The following UGGT1 variants were observed in gnomAD, a reference collection of about 807,000 sequenced individuals.
UGGT1 encodes the protein UDP-glucose:glycoprotein glucosyltransferase 1.
In UGGT1, 107 loss-of-function variants were observed where a neutral mutation model predicts 203.9. The ratio of observed to expected loss-of-function variants is 0.52; its 90% CI spans 0.45 to 0.62. The LOEUF is 0.62. UGGT1 is among the 20% of genes least tolerant of loss of function. The probability of loss-of-function intolerance (pLI) is 0.00; values close to 1 mark genes in which losing one functional copy is unlikely to be tolerated. For synonymous variants in UGGT1, 628 were observed against 653.5 expected (o/e 0.96, Z 0.59); for missense variants, 1,673 against 1,867.2 (o/e 0.90, Z 1.92).
chr2:128,166,373 T>C (rs748167589), intron 26 of UGGT1, among the ~76,000 whole-genome samples: 34 of 152,234 alleles, frequency 2.2e-4, no homozygotes, highest in Admixed American at 1.3e-4. Flanking sequence ...TGATGTAACA[T>C]GTCTGACGTT....
Position 128,189,780 on chromosome 2 carries a change from A to C in UGGT1, c.*38A>C, listed in dbSNP as rs1327451100. On this transcript the variant is annotated 3_prime_UTR_variant, in exon 41 of 41. Transcript: ENST00000259253. Reference sequence around the variant, plus strand: ...GACAGGAAATCACCCCATTTGAAAAACAGTTTTTATAATAAATGCTAGTTT... The same window carrying C: ...GACAGGAAATCACCCCATTTGAAAACCAGTTTTTATAATAAATGCTAGTTT... 1 of 1,609,654 alleles carries C rather than the reference A, an allele frequency of 6.2e-7. No homozygotes were observed. Among genetic ancestry groups the C allele is most frequent in the Non-Finnish European group, 8.5e-7 (1 of 1,177,240 alleles).
chr2:128,180,838 GT>G (rs1691657900), intron 35 of UGGT1, 51 bp from the exon 36 acceptor site: 9 of 1,561,342 alleles, frequency 5.8e-6, no homozygotes, highest in Non-Finnish European at 7.0e-6. Context: ...TATGAAAGCA[GT>G]TTTCTTAATC....
chr2:128,127,511 A>G, intron 12 of UGGT1, 59 bp downstream of exon 12: 1 of 1,262,300 alleles, frequency 7.9e-7, no homozygotes, highest in African/African-American at 1.5e-5. Flanking sequence ...ACCTTGTAAC[A>G]TGTTCATATT....
chr2:128,182,571 C>T (rs997251027), intron 37 of UGGT1, among the ~76,000 whole-genome samples: 15 of 151,872 alleles, frequency 9.9e-5, no homozygotes, highest in African/African-American at 3.1e-4. Context: ...TGGTGGTGGG[C>T]GCCTGTAATC....
At chr2:128,134,787 T>C in intron 14 of UGGT1, 89 bp from the exon 15 acceptor site, 1 of 1,185,686 alleles carries the variant, frequency 8.4e-7, no homozygotes, top group Non-Finnish European at 1.2e-6. Flanking sequence ...AAAGGTTGGC[T>C]TCATGTACAG....
chr2:128,187,341 T>A, intron 39 of UGGT1, 108 bp from the exon 40 acceptor site: 2 of 1,243,590 alleles, frequency 1.6e-6, no homozygotes, highest in Non-Finnish European at 2.2e-6. Context: ...TTTGGTTCCT[T>A]ACTATTGTTT....
chr2:128,103,687 A>G (rs899750611), intron 2 of UGGT1, among the ~76,000 whole-genome samples: 1 of 151,810 alleles, frequency 6.6e-6, no homozygotes, highest in African/African-American at 2.4e-5. Context: ...TTATTATTCC[A>G]GGTTTCTTAA....
intron 13 of UGGT1, among the ~76,000 whole-genome samples, chr2:128,132,373 C>A (rs1688920936): frequency 6.6e-6 from 1 of 152,018 alleles, no homozygotes; most frequent in African/African-American, 2.4e-5. Flanking sequence ...CATGGCGAAA[C>A]CCCACCTCTA....
At position 128,112,328 on chromosome 2, in the gene UGGT1, G is replaced by A. The variant is rs187289672; in HGVS notation, c.522-756G>A. On this transcript the variant is annotated intron_variant, in intron 5 of 40. Transcript: ENST00000259253. ...CCCAGCTACTGAGGAGGCTGAGGCA[G>A]GAGAATCACTTGAACCCAGGAGGGA... Among the ~76,000 whole-genome samples the A allele has an allele frequency of 2.8e-3, 418 of 148,488 alleles. 4 individuals are homozygous for A. The highest frequency in any genetic ancestry group is 9.9e-3 in the African/African-American group (400 of 40,510).
chr2:128,165,611 C>T (rs1216273792), intron 26 of UGGT1, among the ~76,000 whole-genome samples: 3 of 152,096 alleles, frequency 2.0e-5, no homozygotes, highest in African/African-American at 7.2e-5. Context: ...ACAGGAGAAT[C>T]GCTTGAACCC....
rs567577461 is a variant in UGGT1 at position 128,116,088 on chromosome 2, TG to T, written c.794-176del. ...GATATTAAAATGCATTTATCCTGTT[TG>T]TTTAAAGAACCATTGCCAAAGGGTA... On this transcript the variant is annotated intron_variant, in intron 7 of 40. Transcript: ENST00000259253. 1.8e-4 allele frequency among the ~76,000 whole-genome samples: 28 copies of T among 152,340 alleles called. No homozygotes were observed. The South Asian group carries it at 5.8e-3, about 32-fold the overall frequency.
In UGGT1 at chr2:128,104,774, G is replaced by A. The variant is rs1436552000; in HGVS notation, c.277+760G>A. 2.6e-5 allele frequency among the ~76,000 whole-genome samples: 4 copies of A among 152,144 alleles called. No homozygotes were observed. The East Asian group carries it at 7.7e-4, about 29-fold the overall frequency. On this transcript the variant is annotated intron_variant, in intron 3 of 40. Coordinates refer to ENST00000259253, the MANE Select transcript of UGGT1 (RefSeq NM_020120.4). ...CATTTCTCCTGACTCAGCCTTGCAA[G>A]TAGCTGGGATTACAGGCATTCGCCA...
intron 18 of UGGT1, among the ~76,000 whole-genome samples, chr2:128,152,197 C>T (rs555727482): frequency 2.0e-5 from 3 of 151,368 alleles, no homozygotes; most frequent in East Asian, 2.0e-4. Context: ...TTCCTTGGGA[C>T]AGAGTCTCAC....
At chr2:128,114,065 A>G (rs1280679410) in intron 6 of UGGT1, among the ~76,000 whole-genome samples, 1 of 152,110 alleles carries the variant, frequency 6.6e-6, no homozygotes, top group Non-Finnish European at 1.5e-5. Flanking sequence ...TAAAGTTTCT[A>G]TGTCATAATA....
chr2:128,187,549 G>A lies in UGGT1; in HGVS notation c.4577G>A (p.Arg1526His), dbSNP rs201486802. The change falls in exon 40 of 41, where the codon CGC (arginine) becomes CAC (histidine). Residue 1526 changes from arginine (R) to histidine (H), a missense_variant. This residue lies in a region of UGGT1 where 513 missense variants were observed against 684.1 expected (regional missense o/e 0.75). Coordinates refer to ENST00000259253, the MANE Select transcript of UGGT1 (RefSeq NM_020120.4). ...YDQEIKQLQI[R>H]FQKEKETGAL... ...CAAGAGATCAAACAGCTACAGATCC[G>A]CTTTCAGAAGGAGAAAGAAACGGGA... The A allele has an allele frequency of 1.1e-5, 17 of 1,614,094 alleles. No individual in the cohort carries two copies. Among genetic ancestry groups the A allele is most frequent in the African/African-American group, 1.3e-5 (1 of 75,046 alleles).
rs1321560748 is a variant in UGGT1, at chr2:128,133,208, G to C, written c.1445G>C (p.Arg482Pro). 1 of 1,614,022 alleles carries C rather than the reference G, an allele frequency of 6.2e-7. No homozygotes were observed. The highest frequency in any genetic ancestry group is 8.5e-7 in the Non-Finnish European group (1 of 1,179,954). The change falls in exon 14 of 41, where the codon CGA becomes CCA. Residue 482 changes from arginine (R) to proline (P), a missense_variant. Arg to Pro is a moderately radical substitution (Grantham distance 103, BLOSUM62 -2). This residue lies in a region of UGGT1 where 1,073 missense variants were observed against 1,078.7 expected (regional missense o/e 0.99). Transcript: ENST00000259253. ...CCTTCTAGTTTACAAGAGTTGCTTC[G>C]ACCCACCTTTCCTGGTGTTATTCGG... Reference protein sequence around the residue: ...SWPSSLQELLRPTFPGVIRQI... With the variant: ...SWPSSLQELLPPTFPGVIRQI...
intron 17 of UGGT1, among the ~76,000 whole-genome samples, chr2:128,145,122 CA>C (rs1487663174): frequency 6.6e-6 from 1 of 152,218 alleles, no homozygotes; most frequent in Admixed American, 6.5e-5. Flanking sequence ...TGTTTCCCCA[CA>C]AACCTTGTTT....
At chr2:128,104,073 T>G in intron 3 of UGGT1, 59 bp downstream of exon 3, 1 of 1,388,132 alleles carries the variant, frequency 7.2e-7, no homozygotes, top group Non-Finnish European at 9.8e-7. Context: ...TAGGAAAAAA[T>G]TGTCTCTTTA....
intron 35 of UGGT1, among the ~76,000 whole-genome samples, chr2:128,180,223 C>T (rs1224679400): frequency 2.0e-5 from 3 of 152,148 alleles, no homozygotes; most frequent in South Asian, 2.1e-4. Context: ...TAGCATGAAC[C>T]ACTCCTAGAT....
Sources: allele counts gnomAD v4.1 joint callset (sites outside exome capture counted in the v4.1 genomes callset), GRCh38; gene constraint gnomAD v4.1.1; regional missense constraint gnomAD v4.1.1; transcripts MANE v1.5; gene names NCBI Gene and HGNC (gene_info 2026-07-23, HGNC 2026-07-21).